SLC4A8: variants seen among roughly 807,000 people sequenced by gnomAD.
SLC4A8 encodes solute carrier family 4 member 8, also known as electroneutral sodium bicarbonate exchanger 1.
A neutral mutation model predicts 125.0 loss-of-function variants in SLC4A8; 40 were observed. The observed-to-expected ratio is 0.32, with a 90% CI of 0.25 to 0.42. The LOEUF (loss-of-function observed/expected upper bound fraction) is 0.42. Among genes scored for constraint, SLC4A8 ranks in the 10% least tolerant of loss-of-function variants. The probability of loss-of-function intolerance (pLI) is 1.00; values close to 1 mark genes in which losing one functional copy is unlikely to be tolerated. For missense variants in SLC4A8, 863 were observed against 1,355.1 expected (o/e 0.64, Z 5.70); for synonymous variants, 456 against 476.0 (o/e 0.96, Z 0.55).
chr12:51,458,815 C>T (rs555329694), intron 7 of SLC4A8, among the ~76,000 whole-genome samples, 165 bp downstream of exon 7: 1 of 152,186 alleles, frequency 6.6e-6, no homozygotes, highest in Non-Finnish European at 1.5e-5. Flanking sequence ...TGTCTTTTCC[C>T]TTCTCCTTCA....
Position 51,507,695 on chromosome 12 carries a change from C to T in SLC4A8, c.*257C>T. 1 of 358,570 alleles carries T rather than the reference C, an allele frequency of 2.8e-6. No homozygotes were observed. The allele number at this position is 358,570 out of a possible 1,614,324, so 22.2% of individuals were successfully genotyped here. A position where few individuals can be genotyped will look rare whatever the true frequency, so the allele number is the denominator to read the frequency against. On this transcript the variant is annotated 3_prime_UTR_variant, in exon 25 of 25. Transcript: ENST00000453097. ...CCTCCTGTTGGTTCTTCTCCTCTTC[C>T]TTCTTTTTCTCTTTAGAACGGCCAC...
At chr12:51,498,052 A>G (rs1403581973) in intron 22 of SLC4A8, among the ~76,000 whole-genome samples, 1 of 146,382 alleles carries the variant, frequency 6.8e-6, no homozygotes, top group Admixed American at 6.7e-5. Context: ...TATCTCAAGA[A>G]AAAAAAAAAA....
intron 2 of SLC4A8, chr12:51,441,272 CAA>C (rs1005007597): frequency 2.3e-6 from 2 of 888,088 alleles, no homozygotes; most frequent in African/African-American, 1.8e-5. Context: ...TTCATCTAAA[CAA>C]GAGGGAAAAC....
intron 2 of SLC4A8, among the ~76,000 whole-genome samples, chr12:51,441,546 G>A (rs1949598733): frequency 6.6e-6 from 1 of 152,128 alleles, no homozygotes. Context: ...AATTAGTGTT[G>A]ATGCTCAGTT....
intron 1 of SLC4A8, among the ~76,000 whole-genome samples, chr12:51,396,930 T>TC (rs1296910989): frequency 7.1e-6 from 1 of 141,534 alleles, no homozygotes; most frequent in African/African-American, 2.6e-5. Flanking sequence ...AGTTAATTTT[T>TC]TTTTTTTTTT....
chr12:51,500,718 G>T (rs1237177958), intron 22 of SLC4A8, among the ~76,000 whole-genome samples: 1 of 151,218 alleles, frequency 6.6e-6, no homozygotes, highest in African/African-American at 2.4e-5. Context: ...ATGGAGTCTC[G>T]CTCTTTCGCC....
intron 1 of SLC4A8, among the ~76,000 whole-genome samples, chr12:51,419,677 G>C (rs909627010): frequency 6.6e-6 from 1 of 152,118 alleles, no homozygotes; most frequent in Non-Finnish European, 1.5e-5. Flanking sequence ...TTTCTGTTTT[G>C]TTCTGCTCCC....
chr12:51,507,622 C>A lies in SLC4A8; in HGVS notation c.*184C>A. 2.2e-6 allele frequency: 1 copy of A among 456,758 alleles called. No individual in the cohort carries two copies. Among genetic ancestry groups the A allele is most frequent in the East Asian group, 3.2e-5 (1 of 31,008 alleles). 28.3% of individuals were successfully genotyped at this position (456,758 alleles called of 1,614,324 possible). On this transcript the variant is annotated 3_prime_UTR_variant, in exon 25 of 25. Coordinates refer to ENST00000453097, the MANE Select transcript of SLC4A8 (RefSeq NM_001039960.3). ...TGCATTGGAAGGCATCCAGCTATCC[C>A]CATACCAGCAGCCAGTCACCAGATG...
In SLC4A8 at chr12:51,458,651, G is replaced by A; in HGVS notation, c.855+1G>A. The A allele has an allele frequency of 6.2e-7, 1 of 1,608,814 alleles. No homozygotes were observed. Among genetic ancestry groups the A allele is most frequent in the East Asian group, 2.2e-5 (1 of 44,870 alleles). ...ACATAGTCCTGTGGATTTAAGCAAG[G>A]TGAGCAGAGTGGTGGGAAGTTGGCT... On this transcript the variant is annotated splice_donor_variant, in intron 7 of 24. Coordinates refer to ENST00000453097, the MANE Select transcript of SLC4A8 (RefSeq NM_001039960.3). LOFTEE classifies it high-confidence loss of function.
At chr12:51,407,414 C>A (rs1948508998) in intron 1 of SLC4A8, among the ~76,000 whole-genome samples, 1 of 151,630 alleles carries the variant, frequency 6.6e-6, no homozygotes, top group Non-Finnish European at 1.5e-5. Context: ...CATCACCATA[C>A]CTGGCTAATT....
chr12:51,402,072 C>G (rs1948404424), intron 1 of SLC4A8, among the ~76,000 whole-genome samples: 1 of 152,096 alleles, frequency 6.6e-6, no homozygotes, highest in Non-Finnish European at 1.5e-5. Context: ...CTGGCCCCTT[C>G]GTATCTTAAC....
At chr12:51,456,725 A>T (rs1042842472) in intron 5 of SLC4A8, among the ~76,000 whole-genome samples, 2 of 152,222 alleles carry the variant, frequency 1.3e-5, no homozygotes, top group Admixed American at 6.5e-5. Context: ...GATAACTGCT[A>T]TGTTTACTGC....
intron 1 of SLC4A8, among the ~76,000 whole-genome samples, chr12:51,404,540 T>C (rs1948452484): frequency 6.6e-6 from 1 of 152,090 alleles, no homozygotes; most frequent in African/African-American, 2.4e-5. Flanking sequence ...AAAGATGAAC[T>C]CCTCCCCCCG....
intron 23 of SLC4A8, among the ~76,000 whole-genome samples, chr12:51,505,517 T>G (rs577335092): frequency 4.4e-4 from 67 of 152,218 alleles, no homozygotes; most frequent in Non-Finnish European, 9.0e-4. Context: ...GATGCTACAC[T>G]GTTGATATCA....
intron 21 of SLC4A8, 32 bp downstream of exon 21, chr12:51,495,150 T>G: frequency 6.5e-7 from 1 of 1,545,088 alleles, no homozygotes; most frequent in Non-Finnish European, 8.8e-7. Flanking sequence ...AAATTCTTAT[T>G]ATCATTGTTA....
chr12:51,426,774 G>A (rs1403333351), intron 1 of SLC4A8, among the ~76,000 whole-genome samples: 1 of 152,062 alleles, frequency 6.6e-6, no homozygotes, highest in Non-Finnish European at 1.5e-5. Flanking sequence ...GCCATTTGGA[G>A]CCCATGCTGA....
chr12:51,462,184 T>A, intron 9 of SLC4A8, 126 bp from the exon 10 acceptor site: 1 of 857,604 alleles, frequency 1.2e-6, no homozygotes, highest in Non-Finnish European at 1.9e-6. Context: ...TAAAGTTTTC[T>A]GCATCTCAGA....
At chr12:51,475,368 C>CTAT (rs1395647269) in intron 16 of SLC4A8, among the ~76,000 whole-genome samples, 162 bp downstream of exon 16, 2 of 152,184 alleles carry the variant, frequency 1.3e-5, no homozygotes, top group African/African-American at 4.8e-5. Context: ...CAGCCTCTTT[C>CTAT]ATAGATCTGT....
chr12:51,451,399 G>A (rs953843618), intron 3 of SLC4A8, among the ~76,000 whole-genome samples: 3 of 152,032 alleles, frequency 2.0e-5, no homozygotes, highest in South Asian at 2.1e-4. Context: ...GTGAGCCACC[G>A]CACCCGGCCA....
Sources: gnomAD v4.1 joint callset for allele counts (sites outside exome capture counted in the v4.1 genomes callset) on GRCh38, gnomAD v4.1.1 for gene constraint, MANE v1.5 for transcripts, NCBI Gene and HGNC (gene_info 2026-07-23, HGNC 2026-07-21) for gene names.